The following PRKCG variants were observed in gnomAD, a reference collection of about 807,000 sequenced individuals.
PRKCG encodes protein kinase C gamma type.
A neutral mutation model predicts 82.0 loss-of-function variants in PRKCG; 28 were observed. That is an observed-to-expected ratio of 0.34 (90% CI 0.25 to 0.47). The LOEUF is 0.47. PRKCG is among the 20% of genes least tolerant of loss of function. PRKCG has a pLI of 1.00. For missense variants in PRKCG, 640 were observed against 952.7 expected, an observed-to-expected ratio of 0.67 and a Z score of 4.32; for synonymous variants, 383 against 376.6, an observed-to-expected ratio of 1.02 and a Z score of -0.20.
chr19:53,883,923 C>T lies in PRKCG; in HGVS notation c.203-238C>T, dbSNP rs2068612477. Among the ~76,000 whole-genome samples, 1 of 152,128 alleles carries T rather than the reference C, an allele frequency of 6.6e-6. No individual in the cohort carries two copies. Among genetic ancestry groups the T allele is most frequent in the Non-Finnish European group, 1.5e-5 (1 of 68,028 alleles). ...TCCCTGAGCTCTGTGCTCTGTGTCT[C>T]TCTGTAAGTCTCTGCGTCTCTGTTT... On this transcript the variant is annotated intron_variant, in intron 2 of 17. Transcript: ENST00000263431. This position sits in a 1 kb window ranked among gnomAD's most constrained non-coding sequence, Gnocchi z 5.4.
At chr19:53,890,231 A>G (rs1018951934) in intron 5 of PRKCG, among the ~76,000 whole-genome samples, 20 of 150,648 alleles carry the variant, frequency 1.3e-4, no homozygotes, top group Non-Finnish European at 3.0e-5. Context: ...GCTTCTTGCA[A>G]CTTTCTGCAC....
At chr19:53,906,037 TC>T (rs1568763742) in intron 16 of PRKCG, among the ~76,000 whole-genome samples, 1 of 72,684 alleles carries the variant, frequency 1.4e-5, no homozygotes, top group East Asian at 3.9e-4. Context: ...CTCCTCCTCC[TC>T]CTCCCTCCTC....
intron 11 of PRKCG, among the ~76,000 whole-genome samples, chr19:53,899,735 C>T (rs2068748728): frequency 1.3e-5 from 2 of 152,104 alleles, no homozygotes; most frequent in African/African-American, 4.8e-5. Flanking sequence ...TACAGGCTCC[C>T]GCCACCACAC....
intron 16 of PRKCG, among the ~76,000 whole-genome samples, chr19:53,905,306 C>T (rs193072865): frequency 1.1e-4 from 17 of 152,150 alleles, no homozygotes; most frequent in African/African-American, 4.1e-4. Context: ...TCTCCTTCTG[C>T]ATCTCTGTCT....
In PRKCG at chr19:53,892,930, C is replaced by G; in HGVS notation, c.822-58C>G. 1 of 1,487,378 alleles carries G rather than the reference C, an allele frequency of 6.7e-7. No homozygotes were observed. Among genetic ancestry groups the G allele is most frequent in the Non-Finnish European group, 9.4e-7 (1 of 1,068,536 alleles). 92.1% of individuals were successfully genotyped at this position (1,487,378 alleles called of 1,614,324 possible). On this transcript the variant is annotated intron_variant, in intron 7 of 17. Coordinates refer to ENST00000263431, the MANE Select transcript of PRKCG (RefSeq NM_002739.5). The surrounding 1 kb of genome is among the most constrained non-coding windows in gnomAD (Gnocchi z 5.9). Reference sequence around the variant, plus strand: ...TCTTTCCTCCCTTCCAATGTCTTTGCCTCTCCCATGGGTGCCCCATCCCCG... The same window carrying G: ...TCTTTCCTCCCTTCCAATGTCTTTGGCTCTCCCATGGGTGCCCCATCCCCG...
At position 53,907,595 on chromosome 19, in the gene PRKCG, T is replaced by C. The variant is rs952664909; in HGVS notation, c.*700T>C. 6.5e-6 allele frequency: 1 copy of C among 153,536 alleles called. No homozygotes were observed. The highest frequency in any genetic ancestry group is 6.5e-5 in the Admixed American group (1 of 15,420). The allele number at this position is 153,536 out of a possible 1,614,324, so 9.5% of individuals were successfully genotyped here. Reference sequence around the variant, plus strand: ...CTCTCCTCCTCCCCTCCTCTTCCCTTAGCCTCTCCCACCCGGCCACAGCTG... The same window carrying C: ...CTCTCCTCCTCCCCTCCTCTTCCCTCAGCCTCTCCCACCCGGCCACAGCTG... On this transcript the variant is annotated 3_prime_UTR_variant, in exon 18 of 18. Coordinates refer to ENST00000263431, the MANE Select transcript of PRKCG (RefSeq NM_002739.5).
rs1036498526 is a variant in PRKCG, at chr19:53,882,602, C to T, written c.108C>T (p.His36=). 6.2e-7 allele frequency: 1 copy of T among 1,612,496 alleles called. No individual in the cohort carries two copies. The change falls in exon 1 of 18, where the codon CAC becomes CAT. Residue 36 remains histidine, a synonymous_variant. Coordinates refer to ENST00000263431, the MANE Select transcript of PRKCG (RefSeq NM_002739.5). The surrounding 1 kb of genome is among the most constrained non-coding windows in gnomAD (Gnocchi z 6.1). ...RQKVVHEVKS[H]KFTARFFKQP... Reference sequence around the variant, plus strand: ...AGGTGGTCCACGAAGTCAAGAGCCACAAGTTCACCGCTCGCTTCTTCAAGC... The same window carrying T: ...AGGTGGTCCACGAAGTCAAGAGCCATAAGTTCACCGCTCGCTTCTTCAAGC...
Position 53,883,248 on chromosome 19 carries a change from C to T in PRKCG, c.202+54C>T, listed in dbSNP as rs2068606424. ...ACCCTCAGGAGGGTGGAGGCTGGGG[C>T]CCCACAGCTGAGGCTGCTTGACACA... On this transcript the variant is annotated intron_variant, in intron 2 of 17. Coordinates refer to ENST00000263431, the MANE Select transcript of PRKCG (RefSeq NM_002739.5). This position sits in a 1 kb window ranked among gnomAD's most constrained non-coding sequence, Gnocchi z 5.4. The T allele has an allele frequency of 1.2e-6, 2 of 1,605,138 alleles. No homozygotes were observed.
rs746155654 is a variant in PRKCG, at chr19:53,904,616, A to G, written c.1657-19A>G. On this transcript the variant is annotated intron_variant, in intron 15 of 17. Coordinates refer to ENST00000263431, the MANE Select transcript of PRKCG (RefSeq NM_002739.5). The stretch of plus-strand genomic sequence containing the variant: ...CAGTTGGGCATGTCCCTGACTCTCT[A>G]TCCCCTCCACTTTGATAGCCTCCCT... 4.4e-6 allele frequency: 7 copies of G among 1,606,124 alleles called. No homozygotes were observed. The East Asian group carries it at 6.7e-5, about 15-fold the overall frequency.
In PRKCG at chr19:53,882,693, G is replaced by A. The variant is rs749757956; in HGVS notation, c.170+29G>A. On this transcript the variant is annotated intron_variant, in intron 1 of 17. Coordinates refer to ENST00000263431, the MANE Select transcript of PRKCG (RefSeq NM_002739.5). The surrounding 1 kb of genome is among the most constrained non-coding windows in gnomAD (Gnocchi z 6.1). ...AGGGAAGGGGGCTGGGGGACTGGGG[G>A]ACGAGGGGACTAGGGGTGCAGACTC... 2 of 1,458,134 alleles carry A rather than the reference G, an allele frequency of 1.4e-6. No individual in the cohort carries two copies. The highest frequency in any genetic ancestry group is 2.3e-5 in the East Asian group (1 of 43,248). The allele number at this position is 1,458,134 out of a possible 1,614,324, so 90.3% of individuals were successfully genotyped here.
chr19:53,901,033 C>T (rs2068759620), intron 14 of PRKCG, among the ~76,000 whole-genome samples: 1 of 152,154 alleles, frequency 6.6e-6, no homozygotes, highest in South Asian at 2.1e-4. Context: ...TAGGACCTGA[C>T]CCTGGATCCT....
Position 53,884,254 on chromosome 19 carries a change from G to A in PRKCG, c.285+11G>A, listed in dbSNP as rs745411482. The A allele has an allele frequency of 1.9e-5, 30 of 1,613,232 alleles. No homozygotes were observed. In the East Asian group the frequency reaches 6.7e-4, roughly 36 times the overall value. On this transcript the variant is annotated intron_variant, in intron 3 of 17. Coordinates refer to ENST00000263431, the MANE Select transcript of PRKCG (RefSeq NM_002739.5). This position sits in a 1 kb window ranked among gnomAD's most constrained non-coding sequence, Gnocchi z 4.6. ...GGCCCCCAGACGGACGTGAGTGCTC[G>A]GACACCTGGTTCTCCTCCTCGGGCC...
Position 53,898,562 on chromosome 19 carries a change from G to C in PRKCG, c.1215G>C (p.Leu405=), listed in dbSNP as rs775111826. 5 of 1,612,264 alleles carry C rather than the reference G, an allele frequency of 3.1e-6. No individual in the cohort carries two copies. The South Asian group carries it at 5.5e-5, about 18-fold the overall frequency. ...CTLVEKRVLA[L]GGRGPGGRPH... ...TGGTGGAGAAACGTGTGCTGGCGCT[G>C]GGGGGCCGGGGTCCTGGCGGCCGGC... The change falls in exon 11 of 18, where the codon CTG becomes CTC. Residue 405 remains leucine, a synonymous_variant. Coordinates refer to ENST00000263431, the MANE Select transcript of PRKCG (RefSeq NM_002739.5).
chr19:53,901,994 C>T (rs564280260), intron 14 of PRKCG, among the ~76,000 whole-genome samples: 6 of 151,726 alleles, frequency 4.0e-5, no homozygotes, highest in East Asian at 1.9e-4. Flanking sequence ...TCTGAATGTA[C>T]GTATAGATGG....
At chr19:53,895,520 T>G (rs1599948081) in intron 9 of PRKCG, among the ~76,000 whole-genome samples, 1 of 146,308 alleles carries the variant, frequency 6.8e-6, no homozygotes, top group Non-Finnish European at 1.5e-5. Flanking sequence ...AAGACAAGAA[T>G]CTTCAAGATT....
chr19:53,887,493 G>T (rs2068639371), intron 3 of PRKCG, among the ~76,000 whole-genome samples: 1 of 30,078 alleles, frequency 3.3e-5, no homozygotes, highest in African/African-American at 1.5e-4. Flanking sequence ...ACAAAACTCT[G>T]TCTCAAAAAA....
rs541973558 is a variant in PRKCG, at chr19:53,882,848, G to T, written c.170+184G>T. On this transcript the variant is annotated intron_variant, in intron 1 of 17. Coordinates refer to ENST00000263431, the MANE Select transcript of PRKCG (RefSeq NM_002739.5). This position sits in a 1 kb window ranked among gnomAD's most constrained non-coding sequence, Gnocchi z 6.1. ...AGTGAGGAGGAGGCTGGTTCCTGGA[G>T]TGCTGGGTCCGAGGGAGGAGGAGGC... 3.9e-5 allele frequency among the ~76,000 whole-genome samples: 6 copies of T among 152,170 alleles called. No individual in the cohort carries two copies. In the South Asian group the frequency reaches 1.2e-3, roughly 32 times the overall value.
At chr19:53,903,250 G>A in intron 15 of PRKCG, 97 bp downstream of exon 15, 1 of 926,142 alleles carries the variant, frequency 1.1e-6, no homozygotes, top group South Asian at 1.3e-5. Context: ...CCAGAAGGTT[G>A]TGCTCGAATA....
In PRKCG at chr19:53,901,374, T is replaced by C. The variant is rs568072063; in HGVS notation, c.1575+625T>C. ...GCCTGGCCAACATGGTGAAACCTCA[T>C]CTCTAACAAAATTACACAAATTAGC... On this transcript the variant is annotated intron_variant, in intron 14 of 17. Coordinates refer to ENST00000263431, the MANE Select transcript of PRKCG (RefSeq NM_002739.5). Among the ~76,000 whole-genome samples the C allele has an allele frequency of 2.0e-5, 3 of 151,440 alleles. No individual in the cohort carries two copies. The South Asian group carries it at 6.3e-4, about 32-fold the overall frequency.
Sources: allele counts gnomAD v4.1 joint callset (sites outside exome capture counted in the v4.1 genomes callset), GRCh38; gene constraint gnomAD v4.1.1; non-coding constraint Gnocchi (gnomAD v3.1); transcripts MANE v1.5; gene names NCBI Gene and HGNC (gene_info 2026-07-23, HGNC 2026-07-21).